CKAP4: variants seen among roughly 807,000 people sequenced by gnomAD.
CKAP4 encodes the protein cytoskeleton-associated protein 4.
Under a neutral mutation model 24.4 loss-of-function variants are expected in CKAP4, and 20 were observed. The ratio of observed to expected loss-of-function variants is 0.82; its 90% CI spans 0.58 to 1.19. The LOEUF is 1.19. Among genes scored for constraint, CKAP4 ranks in the 50% most tolerant of loss-of-function variants. CKAP4 has a pLI of 0.00. For missense variants in CKAP4, 744 were observed against 765.3 expected (o/e 0.97, Z 0.33); for synonymous variants, 378 against 351.7 (o/e 1.07, Z -0.84).
At chr12:106,240,456 TCAC>T in intron 1 of CKAP4, 107 bp from the exon 2 acceptor site, 1 of 1,274,344 alleles carries the variant, frequency 7.8e-7, no homozygotes, top group East Asian at 2.4e-5. Flanking sequence ...TTCCAGAATG[TCAC>T]CACAATTTTC....
Position 106,247,103 on chromosome 12 carries a change from C to T in CKAP4, c.483+266G>A, listed in dbSNP as rs1164656075. The T allele has an allele frequency of 9.6e-6, 4 of 416,894 alleles. No individual in the cohort carries two copies. Among genetic ancestry groups the T allele is most frequent in the Non-Finnish European group, 1.7e-5 (4 of 231,424 alleles). 25.8% of individuals were successfully genotyped at this position (416,894 alleles called of 1,614,324 possible). The stretch of plus-strand genomic sequence containing the variant: ...CAGGCCCTTGGCCCACCCTGCCAGG[C>T]GGGCCTGGGCATCCTCGCGGCGGCC... On this transcript the variant is annotated intron_variant, in intron 1 of 1. Transcript: ENST00000378026. This position sits in a 1 kb window ranked among gnomAD's most constrained non-coding sequence, Gnocchi z 4.5.
In CKAP4 at chr12:106,238,857, T is replaced by C; in HGVS notation, c.*167A>G. On this transcript the variant is annotated 3_prime_UTR_variant, in exon 2 of 2. Transcript: ENST00000378026. ...AAGCAGAGAACTTAAATATTGTAAA[T>C]AAGTTAACTGGGCATGAAAATACAA... The C allele has an allele frequency of 1.4e-6, 1 of 735,258 alleles. No individual in the cohort carries two copies. The highest frequency in any genetic ancestry group is 1.8e-5 in the South Asian group (1 of 55,614). 45.5% of individuals were successfully genotyped at this position (735,258 alleles called of 1,614,324 possible). A position where few individuals can be genotyped will look rare whatever the true frequency, so the allele number is the denominator to read the frequency against.
In CKAP4 at chr12:106,247,427, T is replaced by C. The variant is rs1300716839; in HGVS notation, c.425A>G (p.Gln142Arg). 3.5e-5 allele frequency: 54 copies of C among 1,544,094 alleles called. No individual in the cohort carries two copies. The highest frequency in any genetic ancestry group is 4.2e-5 in the Non-Finnish European group (48 of 1,147,014). The change falls in exon 1 of 2, where the codon CAG becomes CGG. Residue 142 changes from glutamine (Q) to arginine (R), a missense_variant. Transcript: ENST00000378026. This position sits in a 1 kb window ranked among gnomAD's most constrained non-coding sequence, Gnocchi z 4.5. ...EEVQQVRRSH[Q>R]DFSRQREELG... Reference sequence around the variant, plus strand: ...CTCCTCCCTCTGCCGGGAGAAGTCCTGGTGGCTGCGCCGGACCTGCTGGAC... The same window carrying C: ...CTCCTCCCTCTGCCGGGAGAAGTCCCGGTGGCTGCGCCGGACCTGCTGGAC...
In CKAP4 at chr12:106,238,657, C is replaced by G. The variant is rs2033933892; in HGVS notation, c.*367G>C. On this transcript the variant is annotated 3_prime_UTR_variant, in exon 2 of 2. Transcript: ENST00000378026. ...ACTAGAAAGAAAAGGGTCCCCCCAA[C>G]CCACCTTTTTTTTTTTTTTACTTGA... 1.1e-5 allele frequency: 2 copies of G among 182,800 alleles called. No individual in the cohort carries two copies. Among genetic ancestry groups the G allele is most frequent in the African/African-American group, 4.7e-5 (2 of 42,268 alleles). The allele number at this position is 182,800 out of a possible 1,614,324, so 11.3% of individuals were successfully genotyped here. A position where few individuals can be genotyped will look rare whatever the true frequency, so the allele number is the denominator to read the frequency against.
intron 1 of CKAP4, among the ~76,000 whole-genome samples, chr12:106,244,329 T>C (rs1339455206): frequency 6.6e-6 from 1 of 152,228 alleles, no homozygotes; most frequent in African/African-American, 2.4e-5. Flanking sequence ...ACTTTTCTCA[T>C]CTGTCAAAGA....
At chr12:106,245,916 G>A (rs1164450725) in intron 1 of CKAP4, among the ~76,000 whole-genome samples, 2 of 152,176 alleles carry the variant, frequency 1.3e-5, no homozygotes, top group African/African-American at 4.8e-5. Flanking sequence ...GTCTTAAGAG[G>A]AAATTCCTGG....
At position 106,247,795 on chromosome 12, in the gene CKAP4, C is replaced by G. The variant is rs1376076675; in HGVS notation, c.57G>C (p.Ser19=). The change falls in exon 1 of 2, where the codon TCG becomes TCC. Residue 19 remains serine, a synonymous_variant. Transcript: ENST00000378026. This position sits in a 1 kb window ranked among gnomAD's most constrained non-coding sequence, Gnocchi z 4.5. ...CGCCCGACGGGTGGGCACCCTTCTC[C>G]GAGGGGCTCGCGGCGCCGTGGCCGC... ...SKGGHGAASP[S]EKGAHPSGGA... 9.5e-7 allele frequency: 1 copy of G among 1,052,390 alleles called. No homozygotes were observed. The highest frequency in any genetic ancestry group is 1.1e-6 in the Non-Finnish European group (1 of 877,440). 65.2% of individuals were successfully genotyped at this position (1,052,390 alleles called of 1,614,324 possible). A position where few individuals can be genotyped will look rare whatever the true frequency, so the allele number is the denominator to read the frequency against.
chr12:106,241,369 G>A (rs2033969216), intron 1 of CKAP4, among the ~76,000 whole-genome samples: 1 of 133,918 alleles, frequency 7.5e-6, no homozygotes, highest in Non-Finnish European at 1.5e-5. Context: ...GTCTCGCTCT[G>A]TCGCCCAGGC....
chr12:106,243,834 T>C (rs1003543588), intron 1 of CKAP4, among the ~76,000 whole-genome samples: 1 of 152,238 alleles, frequency 6.6e-6, no homozygotes, highest in Non-Finnish European at 1.5e-5. Flanking sequence ...CAGCCAGTCC[T>C]CAGCTGCCCC....
chr12:106,240,955 G>C (rs56234907), intron 1 of CKAP4, among the ~76,000 whole-genome samples: 4,519 of 152,250 alleles, frequency 0.03, 93 homozygotes, highest in Middle Eastern at 0.051. Context: ...CTGTTAAAAA[G>C]ACATCTTTGA....
chr12:106,243,951 G>C (rs906718521), intron 1 of CKAP4, among the ~76,000 whole-genome samples: 1 of 152,214 alleles, frequency 6.6e-6, no homozygotes, highest in Non-Finnish European at 1.5e-5. Context: ...ATAGTGAACA[G>C]TAATTATGAA....
Position 106,245,895 on chromosome 12 carries a change from G to A in CKAP4, c.483+1474C>T, listed in dbSNP as rs145024788. Reference sequence around the variant, plus strand: ...CAGGCGTGAGCCACCACGCCCGGCCGTGCTCTGCCAGTCTTAAGAGGAAAT... The same window carrying A: ...CAGGCGTGAGCCACCACGCCCGGCCATGCTCTGCCAGTCTTAAGAGGAAAT... On this transcript the variant is annotated intron_variant, in intron 1 of 1. Coordinates refer to ENST00000378026, the MANE Select transcript of CKAP4 (RefSeq NM_006825.4). 4.2e-4 allele frequency among the ~76,000 whole-genome samples: 63 copies of A among 151,796 alleles called. No homozygotes were observed. The East Asian group carries it at 0.012, about 29-fold the overall frequency.
chr12:106,239,042 C>T lies in CKAP4; in HGVS notation c.1791G>A (p.Lys597=), dbSNP rs148031456. ...AATTCATTTAGACCTTTTCGTGAAT[C>T]TTCTCCACTTTCACAAACAACCTAT... is the stretch of plus-strand genomic sequence containing the variant. ...DLDRLFVKVE[K]IHEKV Residue 597 remains lysine, a synonymous_variant, in exon 2 of 2, where the codon AAG becomes AAA. Coordinates refer to ENST00000378026, the MANE Select transcript of CKAP4 (RefSeq NM_006825.4). This position sits in a 1 kb window ranked among gnomAD's most constrained non-coding sequence, Gnocchi z 4.9. 3 of 1,613,494 alleles carry T rather than the reference C, an allele frequency of 1.9e-6. No individual in the cohort carries two copies. Among genetic ancestry groups the T allele is most frequent in the Admixed American group, 1.7e-5 (1 of 60,000 alleles).
chr12:106,238,043 T>C lies in CKAP4; in HGVS notation c.*981A>G. On this transcript the variant is annotated 3_prime_UTR_variant, in exon 2 of 2. Coordinates refer to ENST00000378026, the MANE Select transcript of CKAP4 (RefSeq NM_006825.4). ...TTTTTTTGGAAGGGCAAGACAGCCA[T>C]TAAAGAACAATACAGCTCAGAGGGA... is the stretch of plus-strand genomic sequence containing the variant. 1 of 126,602 alleles carries C rather than the reference T, an allele frequency of 7.9e-6. No individual in the cohort carries two copies. Among genetic ancestry groups the C allele is most frequent in the Non-Finnish European group, 1.6e-5 (1 of 63,072 alleles). 7.8% of individuals were successfully genotyped at this position (126,602 alleles called of 1,614,324 possible). A position where few individuals can be genotyped will look rare whatever the true frequency, so the allele number is the denominator to read the frequency against.
At position 106,247,318 on chromosome 12, in the gene CKAP4, G is replaced by A; in HGVS notation, c.483+51C>T. 2 of 1,463,648 alleles carry A rather than the reference G, an allele frequency of 1.4e-6. No individual in the cohort carries two copies. Among genetic ancestry groups the A allele is most frequent in the Non-Finnish European group, 1.8e-6 (2 of 1,097,708 alleles). 90.7% of individuals were successfully genotyped at this position (1,463,648 alleles called of 1,614,324 possible). A position where few individuals can be genotyped will look rare whatever the true frequency, so the allele number is the denominator to read the frequency against. On this transcript the variant is annotated intron_variant, in intron 1 of 1. Coordinates refer to ENST00000378026, the MANE Select transcript of CKAP4 (RefSeq NM_006825.4). This position sits in a 1 kb window ranked among gnomAD's most constrained non-coding sequence, Gnocchi z 4.5. ...GGAAGCACGAAGGAGCCCGGCCGTG[G>A]GTCCGGAGGCCGCAGTCGATGGGGA...
rs1031556636 is a variant in CKAP4, at chr12:106,239,322, T to G, written c.1511A>C (p.Gln504Pro). The change falls in exon 2 of 2, where the codon CAG becomes CCG. Residue 504 changes from glutamine (Q) to proline (P), a missense_variant. Gln to Pro is a moderately conservative substitution (Grantham distance 76, BLOSUM62 -1). This residue lies in a region of CKAP4 where 401 missense variants were observed against 424.5 expected (regional missense o/e 0.94). Transcript: ENST00000378026. The surrounding 1 kb of genome is among the most constrained non-coding windows in gnomAD (Gnocchi z 4.9). ...GELPSTVESL[Q>P]KVQEQVHTLL... The stretch of plus-strand genomic sequence containing the variant: ...CGTGTGCACCTGCTCCTGCACCTTC[T>G]GGAGTGATTCCACGGTGCTGGGGAG... The G allele has an allele frequency of 6.2e-7, 1 of 1,609,538 alleles. No individual in the cohort carries two copies. Among genetic ancestry groups the G allele is most frequent in the East Asian group, 2.2e-5 (1 of 44,884 alleles).
rs572869064 is a variant in CKAP4, at chr12:106,239,673, G to A, written c.1160C>T (p.Pro387Leu). 22 of 1,614,146 alleles carry A rather than the reference G, an allele frequency of 1.4e-5. 1 individual carries two copies. The highest frequency in any genetic ancestry group is 6.7e-5 in the East Asian group (3 of 44,858). ...LRQLKSDSHG[P>L]KEDGGFRHSE... The stretch of plus-strand genomic sequence containing the variant: ...GTGTCTGAAGCCTCCGTCCTCCTTC[G>A]GCCCGTGGGAATCGGACTTCAGCTG... Residue 387 changes from proline (P) to leucine (L), a missense_variant, in exon 2 of 2, where the codon CCG becomes CTG. Transcript: ENST00000378026. This position sits in a 1 kb window ranked among gnomAD's most constrained non-coding sequence, Gnocchi z 4.9.
rs187707537 is a variant in CKAP4, at chr12:106,239,732, C to T, written c.1101G>A (p.Pro367=). 8 of 1,613,920 alleles carry T rather than the reference C, an allele frequency of 5.0e-6. No homozygotes were observed. Among genetic ancestry groups the T allele is most frequent in the East Asian group, 2.2e-5 (1 of 44,848 alleles). Residue 367 remains proline (P), a synonymous_variant, in exon 2 of 2, where the codon CCG becomes CCA. Transcript: ENST00000378026. The surrounding 1 kb of genome is among the most constrained non-coding windows in gnomAD (Gnocchi z 4.9). ...LRSEESVSRL[P]EEIRRLEEEL... ...CTTCCTCCAGTCTCCGGATCTCCTC[C>T]GGGAGGCGGGAGACGGACTCCTCAG...
chr12:106,241,568 C>T (rs2136535109), intron 1 of CKAP4, among the ~76,000 whole-genome samples: 1 of 152,090 alleles, frequency 6.6e-6, no homozygotes, highest in South Asian at 2.1e-4. Context: ...CTCCTGACCT[C>T]GTGATCCGCC....
Sources: gnomAD v4.1 joint callset for allele counts (sites outside exome capture counted in the v4.1 genomes callset) on GRCh38, gnomAD v4.1.1 for gene constraint, gnomAD v4.1.1 regional missense constraint, Gnocchi (gnomAD v3.1) non-coding constraint, MANE v1.5 for transcripts, NCBI Gene and HGNC (gene_info 2026-07-23, HGNC 2026-07-21) for gene names.